The following ADGRF5 variants were observed in gnomAD, a reference collection of about 807,000 sequenced individuals.
ADGRF5 encodes G-protein coupled receptor 116.
Under a neutral mutation model 132.3 loss-of-function variants are expected in ADGRF5, and 75 were observed. The ratio of observed to expected loss-of-function variants is 0.57; its 90% confidence interval spans 0.47 to 0.69. The LOEUF is 0.69. ADGRF5 is among the 30% of genes least tolerant of loss of function. The probability of loss-of-function intolerance (pLI) is 0.00; values close to 1 mark genes in which losing one functional copy is unlikely to be tolerated. For missense variants in ADGRF5, 1,516 were observed against 1,630.6 expected (o/e 0.93, Z 1.21); for synonymous variants, 629 against 597.6 (o/e 1.05, Z -0.77).
chr6:46,874,003 C>T (rs1388794103), intron 10 of ADGRF5, among the ~76,000 whole-genome samples: 5 of 152,166 alleles, frequency 3.3e-5, no homozygotes, highest in African/African-American at 1.2e-4. Flanking sequence ...CTGTGGTCTG[C>T]CCATTACACA....
At chr6:46,889,653 T>G (rs1773442398) in intron 3 of ADGRF5, among the ~76,000 whole-genome samples, 1 of 146,964 alleles carries the variant, frequency 6.8e-6, no homozygotes, top group Admixed American at 6.9e-5. Flanking sequence ...ACTATGGTAG[T>G]CTATATTGAC....
At position 46,912,568 on chromosome 6, in the gene ADGRF5, A is replaced by T. The variant is rs546501695; in HGVS notation, c.-24-5782T>A. Among the ~76,000 whole-genome samples the T allele has an allele frequency of 6.6e-5, 10 of 152,210 alleles. No homozygotes were observed. In the South Asian group the frequency reaches 2.1e-3, roughly 32 times the overall value. On this transcript the variant is annotated intron_variant, in intron 1 of 20. Coordinates refer to ENST00000283296, the MANE Select transcript of ADGRF5 (RefSeq NM_001098518.2). ...GCAACAACAGGATTAGGTAAGATTGATTAGGGAGGCAATAGAGAGTAGAGA... is the reference window on the plus strand; with the variant it reads ...GCAACAACAGGATTAGGTAAGATTGTTTAGGGAGGCAATAGAGAGTAGAGA...
In ADGRF5 at chr6:46,856,882, G is replaced by A. The variant is rs60479672; in HGVS notation, c.3801C>T (p.Cys1267=). The part of the protein sequence containing the change: ...FQGLFILLFG[C]LWDLKVQEAL... ...TTGCTCTTACCTTCAGATCCCAGAGGCATCCAAAGAGTAAAATGAATAATC... is the reference window on the plus strand; with the variant it reads ...TTGCTCTTACCTTCAGATCCCAGAGACATCCAAAGAGTAAAATGAATAATC... Residue 1267 remains cysteine (C), a synonymous_variant, in exon 18 of 21, where the codon TGC becomes TGT. Coordinates refer to ENST00000283296, the MANE Select transcript of ADGRF5 (RefSeq NM_001098518.2). 806 of 1,609,510 alleles carry A rather than the reference G, an allele frequency of 5.0e-4. 2 individuals are homozygous for A. The African/African-American group carries it at 9.0e-3, about 18-fold the overall frequency.
At position 46,897,145 on chromosome 6, in the gene ADGRF5, T is replaced by TACACACAC. The variant is rs10655432; in HGVS notation, c.157+2876_157+2883dup. Among the ~76,000 whole-genome samples, 1,195 of 141,844 alleles carry TACACACAC rather than the reference T, an allele frequency of 8.4e-3. 17 individuals carry two copies. The highest frequency in any genetic ancestry group is 0.029 in the African/African-American group (1,089 of 37,754). The allele number at this position is 141,844 out of a possible 152,430, so 93.1% of individuals were successfully genotyped here. ...ACACAGACATATGCATGCATATATATACACACACACACACACACACACACA... is the reference window on the plus strand; with the variant it reads ...ACACAGACATATGCATGCATATATATACACACACACACACACACACACACACACACACA... On this transcript the variant is annotated intron_variant, in intron 3 of 20. Transcript: ENST00000283296.
intron 15 of ADGRF5, among the ~76,000 whole-genome samples, 185 bp downstream of exon 15, chr6:46,862,703 C>CTTGTTTTTTTTTTTTTT (rs1769908919): frequency 3.8e-5 from 1 of 26,506 alleles, no homozygotes; most frequent in Non-Finnish European, 6.0e-5. Flanking sequence ...TGAATTGAGG[C>CTTGTTTTTTTTTTTTTT]TTTTTTTTTT....
At position 46,881,916 on chromosome 6, in the gene ADGRF5, CT is replaced by C. The variant is rs1322758348; in HGVS notation, c.671+132del. On this transcript the variant is annotated intron_variant, in intron 7 of 20. Transcript: ENST00000283296. The stretch of plus-strand genomic sequence containing the variant: ...AGGTACATCTGTAAGGGGTGAGGTA[CT>C]TTTTTCACCTCTACCAAACTGCTCC... The C allele has an allele frequency of 7.9e-6, 6 of 762,704 alleles. No individual in the cohort carries two copies. The East Asian group carries it at 9.8e-5, about 12-fold the overall frequency. 47.2% of individuals were successfully genotyped at this position (762,704 alleles called of 1,614,324 possible).
rs539618553 is a variant in ADGRF5 at position 46,916,003 on chromosome 6, A to C, written c.-25+5710T>G. On this transcript the variant is annotated intron_variant, in intron 1 of 20. Coordinates refer to ENST00000283296, the MANE Select transcript of ADGRF5 (RefSeq NM_001098518.2). ...CCGAGCTTATGCCTTTTCTCCTTCT[A>C]TGCTCCCATCCTCATCATCCTGCAG... 7.9e-5 allele frequency among the ~76,000 whole-genome samples: 12 copies of C among 151,740 alleles called. No individual in the cohort carries two copies. In the South Asian group the frequency reaches 2.5e-3, roughly 32 times the overall value.
chr6:46,952,238 C>G (rs1483124891), intron 1 of ADGRF5, among the ~76,000 whole-genome samples: 1 of 152,140 alleles, frequency 6.6e-6, no homozygotes, highest in Non-Finnish European at 1.5e-5. Flanking sequence ...CTTGGATGTG[C>G]CAGCATTTGT....
intron 1 of ADGRF5, among the ~76,000 whole-genome samples, chr6:46,919,563 C>T (rs576590662): frequency 1.3e-5 from 2 of 152,258 alleles, no homozygotes; most frequent in African/African-American, 4.8e-5. Context: ...TACCCCATAG[C>T]GCAGTAAGTG....
chr6:46,873,383 A>G (rs538828563), intron 10 of ADGRF5, among the ~76,000 whole-genome samples: 1 of 152,212 alleles, frequency 6.6e-6, no homozygotes, highest in East Asian at 1.9e-4. Flanking sequence ...TGTTCCTTTA[A>G]GGCCAACAGT....
chr6:46,924,605 C>G (rs1468581079), upstream of ADGRF5, among the ~76,000 whole-genome samples: 1 of 152,140 alleles, frequency 6.6e-6, no homozygotes, highest in Non-Finnish European at 1.5e-5. Flanking sequence ...TCATAGACCT[C>G]TCACCTGAAT....
intron 3 of ADGRF5, among the ~76,000 whole-genome samples, chr6:46,899,656 GT>G (rs35489911): frequency 0.012 from 1,494 of 121,990 alleles, 26 homozygotes; most frequent in African/African-American, 0.034. Flanking sequence ...AGTAAAAGAA[GT>G]TTTTTTTTTT....
In ADGRF5 at chr6:46,859,184, C is replaced by T; in HGVS notation, c.2719G>A (p.Ala907Thr). ...IVTMAFPTLQ[A>T]ILAQDIQENN... ...TCCTGGATATCCTGGGCAAGGATGG[C>T]TTGGAGAGTTGGGAAAGCCATGGTG... The change falls in exon 17 of 21, where the codon GCC becomes ACC. Residue 907 changes from alanine (A) to threonine (T), a missense_variant. By Grantham distance (58) the Ala-to-Thr change is moderately conservative (BLOSUM62 0). Around this residue, in one of 2 missense-constraint regions of ADGRF5, gnomAD observed 571 missense variants for 701.2 expected, o/e 0.81. Transcript: ENST00000283296. 6.2e-7 allele frequency: 1 copy of T among 1,614,064 alleles called. No individual in the cohort carries two copies. Among genetic ancestry groups the T allele is most frequent in the Non-Finnish European group, 8.5e-7 (1 of 1,179,926 alleles).
chr6:46,914,655 A>T (rs1776271982), intron 1 of ADGRF5, among the ~76,000 whole-genome samples: 1 of 151,832 alleles, frequency 6.6e-6, no homozygotes, highest in South Asian at 2.1e-4. Context: ...TGTGGGTCTT[A>T]GGCTTTAAGC....
upstream of ADGRF5, among the ~76,000 whole-genome samples, chr6:46,925,751 C>T (rs535699768): frequency 6.6e-6 from 1 of 152,292 alleles, no homozygotes; most frequent in South Asian, 2.1e-4. Context: ...CAGCAAAACT[C>T]TGTTGCCTGC....
Position 46,862,989 on chromosome 6 carries a change from TG to T in ADGRF5, c.2097del (p.Ile700LeufsTer10). On this transcript the variant is annotated frameshift_variant, in exon 15 of 21. Transcript: ENST00000283296. LOFTEE classifies it high-confidence loss of function. ...FSNVPSSPES[P>X]IGGTITYKCV... ...CATTTGTAAGTGATGGTCCCGCCAA[TG>T]GGACTCTCAGGGCTGCTGGGAACGT... is the stretch of plus-strand genomic sequence containing the variant. 6.2e-7 allele frequency: 1 copy of T among 1,613,558 alleles called. No individual in the cohort carries two copies.
At chr6:46,952,910 T>A (rs2113849509) in intron 1 of ADGRF5, among the ~76,000 whole-genome samples, 1 of 152,170 alleles carries the variant, frequency 6.6e-6, no homozygotes, top group South Asian at 2.1e-4. Flanking sequence ...TAGTAGAAGA[T>A]GGATGGAGGG....
intron 10 of ADGRF5, among the ~76,000 whole-genome samples, chr6:46,877,381 CT>C (rs1163084252): frequency 1.1e-4 from 12 of 106,462 alleles, no homozygotes; most frequent in African/African-American, 3.8e-4. Flanking sequence ...TTCTTTCTTT[CT>C]TTCTTCTTTC....
At chr6:46,877,308 TC>T (rs1215109475) in intron 10 of ADGRF5, among the ~76,000 whole-genome samples, 2 of 20,378 alleles carry the variant, frequency 9.8e-5, no homozygotes, top group Admixed American at 3.5e-4. Flanking sequence ...TCTCTCTCTT[TC>T]CTTCCTTCCT....
Sources: gnomAD v4.1 joint callset for allele counts (sites outside exome capture counted in the v4.1 genomes callset) on GRCh38, gnomAD v4.1.1 for gene constraint, gnomAD v4.1.1 regional missense constraint, MANE v1.5 for transcripts, NCBI Gene and HGNC (gene_info 2026-07-23, HGNC 2026-07-21) for gene names.